Variants in PREX1 observed in about 807,000 individuals in gnomAD.
PREX1 encodes phosphatidylinositol 3,4,5-trisphosphate-dependent Rac exchanger 1 protein.
In PREX1, 41 loss-of-function variants were observed where a neutral mutation model predicts 198.3. That is an observed-to-expected ratio of 0.21 (90% confidence interval 0.16 to 0.27). The LOEUF is 0.27. Ranked by LOEUF, PREX1 falls within the 10% of genes least tolerant of loss-of-function variation. The pLI is 1.00. For synonymous variants in PREX1, 843 were observed against 887.2 expected, an observed-to-expected ratio of 0.95 and a Z score of 0.89; for missense variants, 1,620 against 2,200.7, an observed-to-expected ratio of 0.74 and a Z score of 5.28.
At chr20:48,750,817 A>G (rs2090130985) in intron 1 of PREX1, among the ~76,000 whole-genome samples, 1 of 152,186 alleles carries the variant, frequency 6.6e-6, no homozygotes, top group Non-Finnish European at 1.5e-5. Flanking sequence ...GCTGGGATGA[A>G]ACCATAACCC....
chr20:48,651,098 G>C (rs764163336), intron 22 of PREX1, 43 bp from the exon 23 acceptor site: 2 of 1,605,160 alleles, frequency 1.2e-6, no homozygotes, highest in Non-Finnish European at 8.5e-7. Context: ...CTGTGTGCCG[G>C]GAAGATTTTA....
At chr20:48,685,604 C>A (rs1325216539) in intron 10 of PREX1, among the ~76,000 whole-genome samples, 4 of 152,222 alleles carry the variant, frequency 2.6e-5, no homozygotes, top group Non-Finnish European at 5.9e-5. Flanking sequence ...GAGTCCAAGT[C>A]TAACTCAAAG....
chr20:48,778,095 A>C (rs1478333828), intron 1 of PREX1, among the ~76,000 whole-genome samples: 2 of 152,192 alleles, frequency 1.3e-5, no homozygotes, highest in African/African-American at 4.8e-5. Context: ...GTCGCCAGGC[A>C]AAAGTACAGC....
rs570998288 is a variant in PREX1, at chr20:48,666,702, T to C, written c.1666-347A>G. ...CACCACGCCCGGCTAATTTTTTGTA[T>C]TTTTAGTAGAGACGGGGTTTCACTG... On this transcript the variant is annotated intron_variant, in intron 14 of 39. Coordinates refer to ENST00000371941, the MANE Select transcript of PREX1 (RefSeq NM_020820.4). The surrounding 1 kb of genome is among the most constrained non-coding windows in gnomAD (Gnocchi z 4.3). Among the ~76,000 whole-genome samples the C allele has an allele frequency of 6.6e-6, 1 of 152,192 alleles. No individual in the cohort carries two copies. The highest frequency in any genetic ancestry group is 2.1e-4 in the South Asian group (1 of 4,812).
At position 48,708,222 on chromosome 20, in the gene PREX1, C is replaced by G. The variant is rs368085600; in HGVS notation, c.783+38G>C. On this transcript the variant is annotated intron_variant, in intron 6 of 39. Coordinates refer to ENST00000371941, the MANE Select transcript of PREX1 (RefSeq NM_020820.4). ...ACTGCACCTGTGCACCTCCTGGCCC[C>G]CTGCGGCCCAGGAAGCCCCCTCCTG... 2.5e-6 allele frequency: 4 copies of G among 1,605,002 alleles called. No individual in the cohort carries two copies. In the African/African-American group the frequency reaches 4.0e-5, roughly 16 times the overall value.
chr20:48,882,929 T>C, the PREX1 span, among the ~76,000 whole-genome samples: 1 of 136,160 alleles, frequency 7.3e-6, no homozygotes, highest in East Asian at 2.0e-4. Flanking sequence ...AGTTGGGTTG[T>C]CCTTTTTTTT....
intron 39 of PREX1, 127 bp from the exon 40 acceptor site, chr20:48,626,054 G>A (rs1462113652): frequency 1.6e-5 from 17 of 1,076,434 alleles, no homozygotes; most frequent in Non-Finnish European, 2.2e-5. Flanking sequence ...TATAAAAGAT[G>A]CAGAGAAAAA....
chr20:48,707,506 A>G (rs1391012418), intron 6 of PREX1, among the ~76,000 whole-genome samples: 1 of 152,036 alleles, frequency 6.6e-6, no homozygotes, highest in African/African-American at 2.4e-5. Flanking sequence ...ATGGCAAGTG[A>G]CTCCAAAGGC....
In PREX1 at chr20:48,725,920, G is replaced by C. The variant is rs73911655; in HGVS notation, c.621+370C>G. 1.8e-3 allele frequency among the ~76,000 whole-genome samples: 268 copies of C among 152,324 alleles called. 1 individual carries two copies. The highest frequency in any genetic ancestry group is 6.1e-3 in the African/African-American group (255 of 41,564). On this transcript the variant is annotated intron_variant, in intron 5 of 39. Transcript: ENST00000371941. The stretch of plus-strand genomic sequence containing the variant: ...GCAAAGGCTTCATGTAATTTGTCCA[G>C]GTCAAAGCGCATGACTCAGGCCCAA...
chr20:48,785,562 T>C (rs1000540516), intron 1 of PREX1, among the ~76,000 whole-genome samples: 2 of 152,220 alleles, frequency 1.3e-5, no homozygotes, highest in Non-Finnish European at 2.9e-5. Flanking sequence ...TGGCACCAGA[T>C]AGCAGAGCGG....
At chr20:48,855,755 G>C in the PREX1 span, among the ~76,000 whole-genome samples, 3 of 152,136 alleles carry the variant, frequency 2.0e-5, no homozygotes, top group Non-Finnish European at 4.4e-5. Context: ...AAAATTAGCC[G>C]GTTGTGGTGG....
the PREX1 span, among the ~76,000 whole-genome samples, chr20:48,859,021 G>A: frequency 2.0e-5 from 3 of 151,888 alleles, no homozygotes; most frequent in African/African-American, 7.2e-5. Flanking sequence ...TCAGCCTCCC[G>A]AGTAGCTAGG....
the PREX1 span, among the ~76,000 whole-genome samples, chr20:48,844,860 A>T: frequency 8.5e-5 from 13 of 152,202 alleles, no homozygotes; most frequent in African/African-American, 3.1e-4. Flanking sequence ...TACTGCTTGT[A>T]TGGTAAAACT....
intron 39 of PREX1, among the ~76,000 whole-genome samples, chr20:48,627,300 G>A (rs944657175): frequency 6.6e-6 from 1 of 151,956 alleles, no homozygotes; most frequent in Non-Finnish European, 1.5e-5. Context: ...GCACAGTGTA[G>A]TGAGGTGGGA....
At chr20:48,886,693 C>T in the PREX1 span, among the ~76,000 whole-genome samples, 1 of 152,230 alleles carries the variant, frequency 6.6e-6, no homozygotes, top group Admixed American at 6.5e-5. Flanking sequence ...TAGCATTAAG[C>T]TTGTGTCTGC....
chr20:48,881,971 T>C, the PREX1 span, among the ~76,000 whole-genome samples: 1 of 133,196 alleles, frequency 7.5e-6, no homozygotes, highest in Non-Finnish European at 1.6e-5. Flanking sequence ...CTCTATGCAC[T>C]CCCCTATTCT....
At chr20:48,775,564 G>A (rs1398710767) in intron 1 of PREX1, among the ~76,000 whole-genome samples, 1 of 152,118 alleles carries the variant, frequency 6.6e-6, no homozygotes, top group Non-Finnish European at 1.5e-5. Flanking sequence ...CAGGCAGGGG[G>A]TGATATGGTT....
At chr20:48,711,668 C>G (rs540372129) in intron 5 of PREX1, among the ~76,000 whole-genome samples, 8 of 152,208 alleles carry the variant, frequency 5.3e-5, no homozygotes, top group Non-Finnish European at 8.8e-5. Flanking sequence ...ACTACAATGA[C>G]AGATTGTATG....
Position 48,632,506 on chromosome 20 carries a change from C to T in PREX1, c.4401G>A (p.Leu1467=). The stretch of plus-strand genomic sequence containing the variant: ...AGGCCTGAAGCTCACCTTTCGTGAA[C>T]AGCGCTGTGTGCAGCCTCAGGCTGG... ...GGASLRLHTA[L]FTKVLENVEG... is the part of the protein sequence containing the mutation. Residue 1467 remains leucine (L), a synonymous_variant, in exon 34 of 40, where the codon CTG becomes CTA. Transcript: ENST00000371941. 1 of 1,614,106 alleles carries T rather than the reference C, an allele frequency of 6.2e-7. No homozygotes were observed. Among genetic ancestry groups the T allele is most frequent in the Non-Finnish European group, 8.5e-7 (1 of 1,180,016 alleles).
Sources: allele counts gnomAD v4.1 joint callset (sites outside exome capture counted in the v4.1 genomes callset), GRCh38; gene constraint gnomAD v4.1.1; non-coding constraint Gnocchi (gnomAD v3.1); transcripts MANE v1.5; gene names NCBI Gene and HGNC (gene_info 2026-07-23, HGNC 2026-07-21).